Variants in PRDM16 observed in about 807,000 individuals in gnomAD.
PRDM16 encodes histone-lysine N-methyltransferase PRDM16.
In PRDM16, 23 loss-of-function variants were observed where a neutral mutation model predicts 110.6. The ratio of observed to expected loss-of-function variants is 0.21; its 90% CI spans 0.15 to 0.29. The LOEUF (loss-of-function observed/expected upper bound fraction) is 0.29, where lower values mean the gene tolerates loss of function less well. PRDM16 is among the 10% of genes least tolerant of loss of function. The pLI is 1.00. For synonymous variants in PRDM16, 799 were observed against 781.8 expected, an observed-to-expected ratio of 1.02 and a Z score of -0.37; for missense variants, 1,615 against 1,794.3, an observed-to-expected ratio of 0.90 and a Z score of 1.81.
chr1:3,316,397 C>T (rs1374721925), intron 3 of PRDM16, among the ~76,000 whole-genome samples: 2 of 152,212 alleles, frequency 1.3e-5, no homozygotes, highest in Non-Finnish European at 2.9e-5. Flanking sequence ...CTCAGTTGCA[C>T]ACCCATCCAG....
chr1:3,131,008 T>G (rs942011030), intron 1 of PRDM16, among the ~76,000 whole-genome samples: 3 of 152,072 alleles, frequency 2.0e-5, no homozygotes, highest in Admixed American at 2.0e-4. Context: ...TATCCTGACG[T>G]GCAGACCGCG....
intron 4 of PRDM16, chr1:3,394,391 C>T: frequency 2.2e-6 from 1 of 447,156 alleles, no homozygotes; most frequent in Non-Finnish European, 4.5e-6. Context: ...GCCCACCCAG[C>T]CCTCTGCCCG....
rs34261616 is a variant in PRDM16 at position 3,425,075 on chromosome 1, C to CTTTTTTTTT, written c.2940-494_2940-486dup. ...CAGTAGGAGGGTGAACGCCTGCTTG[C>CTTTTTTTTT]TTTTTTTTTTTTTTTTTTTTGAGAT... On this transcript the variant is annotated intron_variant, in intron 12 of 16. Transcript: ENST00000270722. The surrounding 1 kb of genome is among the most constrained non-coding windows in gnomAD (Gnocchi z 6.9). The CTTTTTTTTT allele has an allele frequency of 2.4e-5, 3 of 123,054 alleles. No homozygotes were observed. The highest frequency in any genetic ancestry group is 1.7e-4 in the Admixed American group (2 of 11,962). The allele number at this position is 123,054 out of a possible 1,614,324, so 7.6% of individuals were successfully genotyped here.
intron 1 of PRDM16, among the ~76,000 whole-genome samples, chr1:3,086,926 T>G (rs554883587): frequency 1.3e-5 from 2 of 152,016 alleles, no homozygotes; most frequent in Non-Finnish European, 2.9e-5. Context: ...AATCTAAACA[T>G]GGTATCACTC....
rs1049360109 is a variant in PRDM16, at chr1:3,277,445, T to C, written c.438+33308T>C. ...GCCCTACCCTGCCATGGGGCGCACTTGCTCAGGCCTCTCCTCACCACAGGG... is the reference window on the plus strand; with the variant it reads ...GCCCTACCCTGCCATGGGGCGCACTCGCTCAGGCCTCTCCTCACCACAGGG... On this transcript the variant is annotated intron_variant, in intron 3 of 16. Coordinates refer to ENST00000270722, the MANE Select transcript of PRDM16 (RefSeq NM_022114.4). Among the ~76,000 whole-genome samples the C allele has an allele frequency of 2.6e-5, 4 of 152,360 alleles. No individual in the cohort carries two copies. In the East Asian group the frequency reaches 7.7e-4, roughly 29 times the overall value.
At chr1:3,276,265 C>T (rs1409057286) in intron 3 of PRDM16, among the ~76,000 whole-genome samples, 1 of 152,246 alleles carries the variant, frequency 6.6e-6, no homozygotes, top group Non-Finnish European at 1.5e-5. Flanking sequence ...CCCCCCGGCC[C>T]CCGCCATCCT....
intron 14 of PRDM16, among the ~76,000 whole-genome samples, chr1:3,429,786 C>T (rs200470061): frequency 1.3e-5 from 2 of 152,232 alleles, no homozygotes; most frequent in African/African-American, 2.4e-5. Flanking sequence ...GAGATAGACA[C>T]GTGGCCCATC....
At chr1:3,399,915 G>C (rs1382146744) in intron 5 of PRDM16, among the ~76,000 whole-genome samples, 1 of 152,142 alleles carries the variant, frequency 6.6e-6, no homozygotes, top group African/African-American at 2.4e-5. Context: ...CGGGACGTTG[G>C]AATCCACCCA....
At chr1:3,417,165 T>C (rs1283244488) in intron 10 of PRDM16, among the ~76,000 whole-genome samples, 1 of 152,260 alleles carries the variant, frequency 6.6e-6, no homozygotes, top group East Asian at 1.9e-4. Flanking sequence ...GCAGCTCCTG[T>C]TGCCCATATC....
intron 3 of PRDM16, among the ~76,000 whole-genome samples, chr1:3,326,914 A>G (rs1570079784): frequency 6.6e-6 from 1 of 152,186 alleles, no homozygotes; most frequent in African/African-American, 2.4e-5. Context: ...CTCTGAGGGA[A>G]AATCCCTCTA....
intron 1 of PRDM16, among the ~76,000 whole-genome samples, chr1:3,121,724 G>T (rs964735389): frequency 4.6e-5 from 7 of 152,232 alleles, no homozygotes; most frequent in African/African-American, 2.4e-5. Flanking sequence ...GACAGCCTTG[G>T]GGGACAGCGG....
At chr1:3,216,239 T>C (rs1443055363) in intron 2 of PRDM16, among the ~76,000 whole-genome samples, 1 of 152,042 alleles carries the variant, frequency 6.6e-6, no homozygotes, top group Non-Finnish European at 1.5e-5. Flanking sequence ...GACGAGGCAG[T>C]GTCCAGGCCC....
intron 1 of PRDM16, among the ~76,000 whole-genome samples, chr1:3,138,837 G>A (rs1273039652): frequency 1.3e-5 from 2 of 152,190 alleles, no homozygotes; most frequent in East Asian, 3.9e-4. Context: ...GCACACAGCC[G>A]GCTTTCCCTG....
At position 3,426,044 on chromosome 1, in the gene PRDM16, T is replaced by G; in HGVS notation, c.3110-7T>G. On this transcript the variant is annotated splice_region_variant and splice_polypyrimidine_tract_variant and intron_variant, in intron 13 of 16. Transcript: ENST00000270722. ...GGCCGCCCCCTGATGCTCCCGCCCCTCCGCAGTGAGCCAGCACCCCGGGGT... is the reference window on the plus strand; with the variant it reads ...GGCCGCCCCCTGATGCTCCCGCCCCGCCGCAGTGAGCCAGCACCCCGGGGT... 6.2e-7 allele frequency: 1 copy of G among 1,610,374 alleles called. No homozygotes were observed. Among genetic ancestry groups the G allele is most frequent in the Non-Finnish European group, 8.5e-7 (1 of 1,178,510 alleles).
intron 1 of PRDM16, among the ~76,000 whole-genome samples, chr1:3,180,039 C>T (rs1290110159): frequency 6.6e-6 from 1 of 152,148 alleles, no homozygotes; most frequent in East Asian, 1.9e-4. Context: ...CCGTCTCATA[C>T]TTTTGACCTT....
intron 2 of PRDM16, among the ~76,000 whole-genome samples, chr1:3,233,136 G>A (rs58883259): frequency 6.6e-6 from 1 of 152,340 alleles, no homozygotes; most frequent in African/African-American, 2.4e-5. Flanking sequence ...TGCTGGTGCA[G>A]AGCCCACCGG....
chr1:3,202,168 C>A (rs771782035), intron 2 of PRDM16, among the ~76,000 whole-genome samples: 1 of 152,178 alleles, frequency 6.6e-6, no homozygotes, highest in Non-Finnish European at 1.5e-5. Context: ...ACCCGCATGA[C>A]CTCATGGTAG....
chr1:3,144,960 C>T (rs1420433564), intron 1 of PRDM16, among the ~76,000 whole-genome samples: 1 of 152,210 alleles, frequency 6.6e-6, no homozygotes, highest in Non-Finnish European at 1.5e-5. Flanking sequence ...TCAGGAACCC[C>T]TGTGCGGCTT....
At chr1:3,212,232 T>G (rs1422655731) in intron 2 of PRDM16, among the ~76,000 whole-genome samples, 1 of 152,166 alleles carries the variant, frequency 6.6e-6, no homozygotes, top group Admixed American at 6.5e-5. Context: ...TGAGGCTTTG[T>G]CCCTCCTCTC....
Sources: allele counts gnomAD v4.1 joint callset (sites outside exome capture counted in the v4.1 genomes callset), GRCh38; gene constraint gnomAD v4.1.1; non-coding constraint Gnocchi (gnomAD v3.1); transcripts MANE v1.5; gene names NCBI Gene and HGNC (gene_info 2026-07-23, HGNC 2026-07-21).